Variants in FBXO4 observed in about 807,000 individuals in gnomAD.
FBXO4 encodes the protein F-box only protein 4.
FBXO4 carries 36 observed loss-of-function variants against 43.7 expected under a neutral mutation model. The ratio of observed to expected loss-of-function variants is 0.82; its 90% CI spans 0.63 to 1.09. FBXO4 has a LOEUF of 1.09. FBXO4 is among the 50% of genes least tolerant of loss of function. The probability of loss-of-function intolerance (pLI) is 0.00; values close to 1 mark genes in which losing one functional copy is unlikely to be tolerated. For synonymous variants in FBXO4, 180 were observed against 165.6 expected, an observed-to-expected ratio of 1.09 and a Z score of -0.67; for missense variants, 435 against 474.1, an observed-to-expected ratio of 0.92 and a Z score of 0.77.
chr5:42,021,988 C>T, the FBXO4 span, among the ~76,000 whole-genome samples: 1 of 152,196 alleles, frequency 6.6e-6, no homozygotes, highest in East Asian at 1.9e-4. Flanking sequence ...GAAAAGCTAA[C>T]AAAAACTCAG....
chr5:41,987,705 T>C, the FBXO4 span, among the ~76,000 whole-genome samples: 1 of 152,224 alleles, frequency 6.6e-6, no homozygotes, highest in Non-Finnish European at 1.5e-5. Flanking sequence ...CATTTTACCA[T>C]CTTCCTGTAA....
the FBXO4 span, among the ~76,000 whole-genome samples, chr5:41,948,115 A>G: frequency 6.6e-6 from 1 of 151,814 alleles, no homozygotes; most frequent in African/African-American, 2.4e-5. Context: ...ATTGTTAGCC[A>G]CATGTGGCTA....
chr5:41,934,596 G>A, intron 5 of FBXO4: 68 of 1,306,544 alleles, frequency 5.2e-5, no homozygotes, highest in Non-Finnish European at 6.5e-5. Flanking sequence ...AAGCACCCAG[G>A]GAATTCTGAT....
At chr5:41,963,130 A>G in the FBXO4 span, among the ~76,000 whole-genome samples, 22 of 152,192 alleles carry the variant, frequency 1.4e-4, no homozygotes, top group African/African-American at 5.3e-4. Context: ...GCAGAAGGTA[A>G]TACCTGATAG....
At chr5:41,947,416 C>T in the FBXO4 span, among the ~76,000 whole-genome samples, 1 of 152,134 alleles carries the variant, frequency 6.6e-6, no homozygotes. Context: ...AAATGAAGAA[C>T]CATTTGAATT....
Position 41,939,468 on chromosome 5 carries a change from A to T in FBXO4, c.926A>T (p.His309Leu). Residue 309 changes from histidine (H) to leucine (L), a missense_variant, in exon 6 of 7, where the codon CAT becomes CTT. Physicochemically the swap from His to Leu is moderately conservative, Grantham distance 99 (BLOSUM62 -3). Coordinates refer to ENST00000281623, the MANE Select transcript of FBXO4 (RefSeq NM_012176.3). ...CATGAATGGCAAGATGAATTTTCTC[A>T]TATTATGGCAATGACAGATCCAGCC... ...KRHEWQDEFS[H>L]IMAMTDPAFG... 1.2e-6 allele frequency: 2 copies of T among 1,611,516 alleles called. No homozygotes were observed. The highest frequency in any genetic ancestry group is 1.7e-6 in the Non-Finnish European group (2 of 1,178,602).
At chr5:42,008,736 T>C in the FBXO4 span, among the ~76,000 whole-genome samples, 1 of 152,214 alleles carries the variant, frequency 6.6e-6, no homozygotes, top group East Asian at 1.9e-4. Flanking sequence ...TTTGCTTGAA[T>C]TTTTAATGTG....
the FBXO4 span, among the ~76,000 whole-genome samples, chr5:41,990,077 A>T: frequency 1.3e-5 from 2 of 152,274 alleles, no homozygotes; most frequent in Admixed American, 6.5e-5. Flanking sequence ...CCATCATCAT[A>T]AAGCTACATT....
the FBXO4 span, chr5:41,967,700 A>T: frequency 9.5e-6 from 6 of 633,304 alleles, no homozygotes; most frequent in African/African-American, 1.1e-4. Flanking sequence ...AGATACATTC[A>T]CCCTACATTA....
chr5:41,985,495 AGGGATG>A, the FBXO4 span, among the ~76,000 whole-genome samples: 1 of 152,196 alleles, frequency 6.6e-6, no homozygotes, highest in South Asian at 2.1e-4. Flanking sequence ...ATAATTACTA[AGGGATG>A]GTTCCTATTT....
the FBXO4 span, among the ~76,000 whole-genome samples, chr5:42,008,768 T>C: frequency 6.6e-6 from 1 of 152,218 alleles, no homozygotes; most frequent in Non-Finnish European, 1.5e-5. Context: ...TTTTTAGTAT[T>C]TGACACTTTA....
intron 6 of FBXO4, among the ~76,000 whole-genome samples, chr5:41,940,816 C>T (rs1007296848): frequency 1.3e-5 from 2 of 152,110 alleles, no homozygotes; most frequent in Non-Finnish European, 2.9e-5. Context: ...TGGCAGTCTT[C>T]AAGACACATT....
rs1294923545 is a variant in FBXO4, at chr5:41,929,829, G to A, written c.558G>A (p.Leu186=). 1.4e-5 allele frequency: 23 copies of A among 1,614,142 alleles called. No homozygotes were observed. The highest frequency in any genetic ancestry group is 1.9e-5 in the Non-Finnish European group (22 of 1,180,010). Residue 186 remains leucine (L), a synonymous_variant, in exon 3 of 7, where the codon TTG becomes TTA. Transcript: ENST00000281623. The part of the protein sequence containing the change: ...EPRFAMFGPG[L]EELNTSLVLS... ...GATTTGCTATGTTTGGACCAGGTTTGGAAGAATTGAATACCTCTTTGGTGT... is the reference window on the plus strand; with the variant it reads ...GATTTGCTATGTTTGGACCAGGTTTAGAAGAATTGAATACCTCTTTGGTGT...
the FBXO4 span, among the ~76,000 whole-genome samples, chr5:41,985,757 CCCAGCTCATTTAA>C: frequency 6.6e-6 from 1 of 152,078 alleles, no homozygotes; most frequent in African/African-American, 2.4e-5. Context: ...TGAAAACTAA[CCCAGCTCATTTAA>C]GAGCTTAACA....
chr5:42,028,109 T>C, the FBXO4 span, among the ~76,000 whole-genome samples: 6 of 151,616 alleles, frequency 4.0e-5, no homozygotes, highest in East Asian at 7.7e-4. Context: ...GGAAGATCTG[T>C]CTGGAAGAAA....
At chr5:41,999,442 TGTGA>T in the FBXO4 span, among the ~76,000 whole-genome samples, 1 of 117,244 alleles carries the variant, frequency 8.5e-6, no homozygotes, top group African/African-American at 3.6e-5. Flanking sequence ...AAAATATATA[TGTGA>T]GTGTGTGTGT....
chr5:41,980,139 G>A, the FBXO4 span, among the ~76,000 whole-genome samples: 3 of 152,130 alleles, frequency 2.0e-5, no homozygotes, highest in Admixed American at 6.5e-5. Flanking sequence ...AAGAGACTGA[G>A]CCACTCATGG....
the FBXO4 span, among the ~76,000 whole-genome samples, chr5:42,024,120 C>G: frequency 8.6e-5 from 13 of 151,988 alleles, no homozygotes; most frequent in Admixed American, 2.0e-4. Flanking sequence ...TCACTAATAG[C>G]CTTCACAGCC....
chr5:42,018,582 A>C, the FBXO4 span, among the ~76,000 whole-genome samples: 1 of 152,184 alleles, frequency 6.6e-6, no homozygotes, highest in South Asian at 2.1e-4. Context: ...AAAGTGTAGA[A>C]AGTACTTAAA....
Sources: allele counts gnomAD v4.1 joint callset (sites outside exome capture counted in the v4.1 genomes callset), GRCh38; gene constraint gnomAD v4.1.1; transcripts MANE v1.5; gene names NCBI Gene and HGNC (gene_info 2026-07-23, HGNC 2026-07-21).